NEBL: variants seen among roughly 807,000 people sequenced by gnomAD.
NEBL encodes the protein LIM and SH3 protein 2.
In NEBL, 122 loss-of-function variants were observed where a neutral mutation model predicts 140.2. The observed-to-expected ratio is 0.87, with a 90% CI of 0.75 to 1.01. NEBL has a LOEUF of 1.01. Among genes scored for constraint, NEBL ranks in the 50% least tolerant of loss-of-function variants. The pLI, the probability that NEBL is intolerant of heterozygous loss-of-function variation, is 0.00. For missense variants in NEBL, 1,365 were observed against 1,231.3 expected (o/e 1.11, Z -1.62); for synonymous variants, 436 against 398.9 (o/e 1.09, Z -1.11).
At chr10:21,101,733 T>C (rs1264888314) in intron 2 of NEBL, among the ~76,000 whole-genome samples, 2 of 151,996 alleles carry the variant, frequency 1.3e-5, no homozygotes, top group Non-Finnish European at 2.9e-5. Context: ...ACCCAAGGAG[T>C]GTCAAGCACG....
chr10:20,967,805 T>C (rs1486785549), intron 3 of NEBL, among the ~76,000 whole-genome samples: 1 of 152,158 alleles, frequency 6.6e-6, no homozygotes, highest in East Asian at 1.9e-4. Flanking sequence ...CTTTTTACTA[T>C]CACCCTACAA....
chr10:21,186,414 A>C (rs1476804142), intron 3 of NEBL, among the ~76,000 whole-genome samples: 1 of 151,996 alleles, frequency 6.6e-6, no homozygotes, highest in African/African-American at 2.4e-5. Flanking sequence ...GTGTGTATAC[A>C]GTTGCCTTTG....
upstream of NEBL, among the ~76,000 whole-genome samples, chr10:21,178,092 C>T: frequency 6.6e-6 from 1 of 152,222 alleles, no homozygotes; most frequent in South Asian, 2.1e-4. Flanking sequence ...TTGATATCCA[C>T]ATATGAGCTT....
chr10:21,210,173 C>T (rs1247761308), intron 3 of NEBL, among the ~76,000 whole-genome samples: 1 of 152,156 alleles, frequency 6.6e-6, no homozygotes, highest in African/African-American at 2.4e-5. Context: ...AGGCAGATCA[C>T]CTGAGGTCAG....
intron 26 of NEBL, chr10:20,804,489 T>C (rs1391154555): frequency 6.6e-6 from 1 of 152,176 alleles, no homozygotes; most frequent in African/African-American, 2.4e-5. Flanking sequence ...ATTTCAACAT[T>C]AGCAGAAACT....
In NEBL at chr10:21,028,254, A is replaced by AAAGAAGAAGAAGAAGAAGAAG. The variant is rs55945604; in HGVS notation, c.165-8074_165-8054dup. 5.0e-4 allele frequency among the ~76,000 whole-genome samples: 35 copies of AAAGAAGAAGAAGAAGAAGAAG among 70,332 alleles called. 2 individuals are homozygous for AAAGAAGAAGAAGAAGAAGAAG. Among genetic ancestry groups the AAAGAAGAAGAAGAAGAAGAAG allele is most frequent in the African/African-American group, 5.6e-4 (10 of 17,924 alleles). The allele number at this position is 70,332 out of a possible 152,430, so 46.1% of individuals were successfully genotyped here. A position where few individuals can be genotyped will look rare whatever the true frequency, so the allele number is the denominator to read the frequency against. ...ACATCTCAAAAAAAAAAAAAAAAAA[A>AAAGAAGAAGAAGAAGAAGAAG]AAGAAGAAGAAGAAGAAGAAGAATG... On this transcript the variant is annotated intron_variant, in intron 2 of 6. Transcript: ENST00000417816.
rs556759156 is a variant in NEBL at position 21,187,518 on chromosome 10, T to C, written n.349-15041A>G. On this transcript the variant is annotated intron_variant and non_coding_transcript_variant, in intron 3 of 8. Coordinates refer to the NEBL transcript ENST00000675702. ...TTATTACTATTATTATTTATTATTATTATTATTATTGTTATTACTAAGGTC... is the reference window on the plus strand; with the variant it reads ...TTATTACTATTATTATTTATTATTACTATTATTATTGTTATTACTAAGGTC... Among the ~76,000 whole-genome samples, 4 of 150,818 alleles carry C rather than the reference T, an allele frequency of 2.7e-5. No homozygotes were observed. The South Asian group carries it at 8.3e-4, about 31-fold the overall frequency.
chr10:20,840,932 A>G, intron 12 of NEBL, 83 bp from the exon 13 acceptor site: 1 of 818,266 alleles, frequency 1.2e-6, no homozygotes, highest in Non-Finnish European at 2.0e-6. Flanking sequence ...TCTAGAGATC[A>G]CAGAAATGAG....
At chr10:21,224,695 G>T (rs573746864) in intron 3 of NEBL, among the ~76,000 whole-genome samples, 4 of 152,234 alleles carry the variant, frequency 2.6e-5, no homozygotes, top group Non-Finnish European at 5.9e-5. Flanking sequence ...ATGTTTTACA[G>T]TTTTCATTGC....
intron 1 of NEBL, among the ~76,000 whole-genome samples, chr10:21,276,196 T>C (rs965577627): frequency 2.0e-5 from 3 of 151,736 alleles, no homozygotes; most frequent in Non-Finnish European, 4.4e-5. Flanking sequence ...GGTCTCAAAC[T>C]CCTGACCTCT....
At chr10:20,904,909 A>T (rs896515800) in intron 4 of NEBL, among the ~76,000 whole-genome samples, 1 of 152,254 alleles carries the variant, frequency 6.6e-6, no homozygotes, top group African/African-American at 2.4e-5. Flanking sequence ...TCAGAGATAG[A>T]TGATCTACCA....
At chr10:20,836,903 T>C (rs1417000027) in intron 13 of NEBL, among the ~76,000 whole-genome samples, 2 of 152,186 alleles carry the variant, frequency 1.3e-5, no homozygotes, top group Non-Finnish European at 2.9e-5. Context: ...TTGTAATTGT[T>C]GGGAGATGCC....
intron 4 of NEBL, 110 bp downstream of exon 4, chr10:20,887,987 A>T (rs1324245004): frequency 1.0e-5 from 8 of 783,710 alleles, no homozygotes; most frequent in African/African-American, 3.5e-5. Context: ...TTCAACTTTC[A>T]TTTGGTATTT....
At chr10:21,083,929 G>A (rs542714422) in intron 2 of NEBL, among the ~76,000 whole-genome samples, 13 of 152,274 alleles carry the variant, frequency 8.5e-5, no homozygotes, top group East Asian at 1.9e-4. Context: ...CAGAGGCAGC[G>A]TACCTTTTCT....
At chr10:20,826,788 C>T (rs1416338033) in intron 17 of NEBL, among the ~76,000 whole-genome samples, 1 of 152,176 alleles carries the variant, frequency 6.6e-6, no homozygotes, top group African/African-American at 2.4e-5. Flanking sequence ...TGGCTGACTG[C>T]AGATTATTTG....
intron 2 of NEBL, among the ~76,000 whole-genome samples, chr10:21,151,720 C>T (rs771519337): frequency 6.6e-6 from 1 of 152,108 alleles, no homozygotes; most frequent in Non-Finnish European, 1.5e-5. Context: ...CAGGTTCACT[C>T]CGTGCCCTTG....
rs1477748950 is a variant in NEBL, at chr10:21,288,820, G to GTGTATATATATA, written n.182+4009_182+4010insTATATATATACA. 6.4e-3 allele frequency among the ~76,000 whole-genome samples: 225 copies of GTGTATATATATA among 34,984 alleles called. 1 individual carries two copies. The highest frequency in any genetic ancestry group is 0.02 in the African/African-American group (208 of 10,326). The allele number at this position is 34,984 out of a possible 152,430, so 23.0% of individuals were successfully genotyped here. ...TCTGACAATATATACGTGTGTGTGTGTATATATATATATATATATATATAT... is the reference window on the plus strand; with the variant it reads ...TCTGACAATATATACGTGTGTGTGTGTGTATATATATATATATATATATATATATATATATAT... On this transcript the variant is annotated intron_variant and non_coding_transcript_variant, in intron 1 of 8. Coordinates refer to the NEBL transcript ENST00000675702.
At chr10:21,176,710 A>G (rs1453359369), upstream of NEBL, among the ~76,000 whole-genome samples, 1 of 152,132 alleles carries the variant, frequency 6.6e-6, no homozygotes, top group African/African-American at 2.4e-5. Context: ...TCCTTGTGTT[A>G]ACTCTACCCC....
intron 3 of NEBL, among the ~76,000 whole-genome samples, chr10:20,968,391 G>C (rs1564465770): frequency 6.6e-6 from 1 of 151,674 alleles, no homozygotes; most frequent in Non-Finnish European, 1.5e-5. Context: ...CATACCCATA[G>C]TCCCAGCTAC....
Sources: allele counts gnomAD v4.1 joint callset (sites outside exome capture counted in the v4.1 genomes callset), GRCh38; gene constraint gnomAD v4.1.1; transcripts MANE v1.5; gene names NCBI Gene and HGNC (gene_info 2026-07-23, HGNC 2026-07-21).